The following CRLF3 variants were observed in gnomAD, a reference collection of about 807,000 sequenced individuals.
CRLF3 encodes cytokine receptor like factor 3.
CRLF3 carries 33 observed loss-of-function variants against 55.0 expected under a neutral mutation model. The observed-to-expected ratio is 0.60, with a 90% confidence interval of 0.46 to 0.80. The LOEUF is 0.80. Among genes scored for constraint, CRLF3 ranks in the 30% least tolerant of loss-of-function variants. The pLI, the probability that CRLF3 is intolerant of heterozygous loss-of-function variation, is 0.00. For synonymous variants in CRLF3, 238 were observed against 196.8 expected, an observed-to-expected ratio of 1.21 and a Z score of -1.75; for missense variants, 494 against 538.4, an observed-to-expected ratio of 0.92 and a Z score of 0.82.
chr17:30,812,310 T>C (rs904782317), intron 1 of CRLF3, among the ~76,000 whole-genome samples: 1 of 152,136 alleles, frequency 6.6e-6, no homozygotes, highest in African/African-American at 2.4e-5. Flanking sequence ...TATTATCTAC[T>C]GAGTACCTGT....
At chr17:30,793,735 T>A in intron 4 of CRLF3, 63 bp from the exon 5 acceptor site, 1 of 1,251,258 alleles carries the variant, frequency 8.0e-7, no homozygotes, top group Non-Finnish European at 1.1e-6. Flanking sequence ...CATCACTGCT[T>A]AAAAATTTTG....
At chr17:30,804,690 A>G (rs1171758212) in intron 1 of CRLF3, among the ~76,000 whole-genome samples, 1 of 152,178 alleles carries the variant, frequency 6.6e-6, no homozygotes, top group East Asian at 1.9e-4. Context: ...ATGGCATTCC[A>G]TTGTATATAT....
chr17:30,804,324 C>T (rs567465650), intron 1 of CRLF3, among the ~76,000 whole-genome samples: 2 of 152,338 alleles, frequency 1.3e-5, no homozygotes, highest in African/African-American at 2.4e-5. Flanking sequence ...TCCATCTCTT[C>T]ACATGGTTAC....
At chr17:30,795,165 AAAAG>A (rs1400816717) in intron 4 of CRLF3, among the ~76,000 whole-genome samples, 7 of 152,130 alleles carry the variant, frequency 4.6e-5, no homozygotes, top group Admixed American at 1.3e-4. Flanking sequence ...TGTTTATAAA[AAAAG>A]AAAAAAAAAT....
At chr17:30,793,384 T>A (rs1971854465) in intron 5 of CRLF3, 66 bp downstream of exon 5, 1 of 1,270,334 alleles carries the variant, frequency 7.9e-7, no homozygotes, top group Non-Finnish European at 1.1e-6. Flanking sequence ...TGTGCTGCCC[T>A]TAGCACAGAA....
intron 6 of CRLF3, among the ~76,000 whole-genome samples, chr17:30,791,824 A>AAAT (rs1971808486): frequency 6.6e-6 from 1 of 151,282 alleles, no homozygotes; most frequent in Non-Finnish European, 1.5e-5. Context: ...CCAGGCCTCT[A>AAAT]AATTTTTAAG....
intron 5 of CRLF3, 152 bp downstream of exon 5, chr17:30,793,298 G>A (rs534867298): frequency 5.0e-6 from 3 of 597,372 alleles, no homozygotes; most frequent in South Asian, 2.5e-5. Flanking sequence ...AATCACATGA[G>A]GTAATCTGAG....
At position 30,812,033 on chromosome 17, in the gene CRLF3, G is replaced by A. The variant is rs531093740; in HGVS notation, c.130-7925C>T. On this transcript the variant is annotated intron_variant, in intron 1 of 7. Coordinates refer to ENST00000324238, the MANE Select transcript of CRLF3 (RefSeq NM_015986.4). The stretch of plus-strand genomic sequence containing the variant: ...GCTGAGGCAGGAGAATGGCGTGAGC[G>A]GGGGAGGCGGAGCTTGCAGCAAGCT... Among the ~76,000 whole-genome samples the A allele has an allele frequency of 5.9e-5, 9 of 151,696 alleles. 1 individual carries two copies. The South Asian group carries it at 1.2e-3, about 21-fold the overall frequency.
chr17:30,818,320 T>C (rs1484205430), intron 1 of CRLF3, among the ~76,000 whole-genome samples: 1 of 152,162 alleles, frequency 6.6e-6, no homozygotes, highest in Non-Finnish European at 1.5e-5. Context: ...AACCTTTTCT[T>C]AGAATACTAT....
chr17:30,807,867 C>A (rs1904466443), intron 1 of CRLF3, among the ~76,000 whole-genome samples: 1 of 152,018 alleles, frequency 6.6e-6, no homozygotes, highest in Non-Finnish European at 1.5e-5. Flanking sequence ...AATATTTATG[C>A]AGTTAGTAAA....
Position 30,796,342 on chromosome 17 carries a change from G to A in CRLF3, c.426-5C>T, listed in dbSNP as rs1276536858. The A allele has an allele frequency of 6.2e-7, 1 of 1,611,010 alleles. No individual in the cohort carries two copies. ...AGTAAAGGTACTTCTGGTAAGCTGA[G>A]GAAACAAAGCTCATGTGTTATGAGA... On this transcript the variant is annotated splice_region_variant and splice_polypyrimidine_tract_variant and intron_variant, in intron 3 of 7. Coordinates refer to ENST00000324238, the MANE Select transcript of CRLF3 (RefSeq NM_015986.4).
intron 4 of CRLF3, among the ~76,000 whole-genome samples, chr17:30,795,410 T>G (rs1308771476): frequency 6.6e-6 from 1 of 151,388 alleles, no homozygotes; most frequent in Non-Finnish European, 1.5e-5. Context: ...GCAGGAGGAT[T>G]GCTTGAACCC....
In CRLF3 at chr17:30,793,459, C is replaced by A. The variant is rs1275749036; in HGVS notation, c.817G>T (p.Val273Leu). The A allele has an allele frequency of 6.2e-7, 1 of 1,613,624 alleles. No homozygotes were observed. The highest frequency in any genetic ancestry group is 8.5e-7 in the Non-Finnish European group (1 of 1,179,600). The change falls in exon 5 of 8, where the codon GTG (valine) becomes TTG (leucine). Residue 273 changes from valine (V) to leucine (L), a missense_variant. By Grantham distance (32) the Val-to-Leu change is conservative. Coordinates refer to ENST00000324238, the MANE Select transcript of CRLF3 (RefSeq NM_015986.4). ...SVPQIGHSTL[V>L]PHEWTAGFEG... The stretch of plus-strand genomic sequence containing the variant: ...AAGGTTAGCAGCATACCATGAGGCA[C>A]CAATGTGGAATGACCTATCTGGGGG...
chr17:30,802,540 C>T (rs1410566321), intron 2 of CRLF3, among the ~76,000 whole-genome samples: 1 of 152,182 alleles, frequency 6.6e-6, no homozygotes, highest in African/African-American at 2.4e-5. Context: ...AAGGGATCCT[C>T]CCGCCTCGGC....
chr17:30,785,091 T>A (rs1971609501), intron 7 of CRLF3: 1 of 107,202 alleles, frequency 9.3e-6, no homozygotes, highest in Non-Finnish European at 1.9e-5. Flanking sequence ...GTGAATTTTT[T>A]TTTTTTTTTT....
intron 1 of CRLF3, among the ~76,000 whole-genome samples, chr17:30,824,170 GT>G (rs1232465206): frequency 6.6e-6 from 1 of 151,696 alleles, no homozygotes; most frequent in East Asian, 1.9e-4. Flanking sequence ...CCCACCGCAG[GT>G]TTTTTACCAG....
intron 2 of CRLF3, among the ~76,000 whole-genome samples, chr17:30,800,798 G>A (rs566183761): frequency 9.6e-5 from 14 of 145,310 alleles, no homozygotes; most frequent in South Asian, 4.4e-4. Context: ...TTTTTGAGAC[G>A]GAGTCTCGCT....
At chr17:30,795,144 TAAC>T (rs1192933951) in intron 4 of CRLF3, among the ~76,000 whole-genome samples, 1 of 151,898 alleles carries the variant, frequency 6.6e-6, no homozygotes, top group Admixed American at 6.6e-5. Flanking sequence ...TGTTAGAAAA[TAAC>T]AACAGCATGT....
intron 6 of CRLF3, among the ~76,000 whole-genome samples, chr17:30,791,324 G>T (rs1172023243): frequency 4.6e-5 from 7 of 151,980 alleles, no homozygotes; most frequent in African/African-American, 1.5e-4. Context: ...ACCCACCTCA[G>T]CCTCCCGAAG....
Sources: allele counts gnomAD v4.1 joint callset (sites outside exome capture counted in the v4.1 genomes callset), GRCh38; gene constraint gnomAD v4.1.1; transcripts MANE v1.5; gene names NCBI Gene and HGNC (gene_info 2026-07-23, HGNC 2026-07-21).